The following VAV1 variants were observed in gnomAD, a reference collection of about 807,000 sequenced individuals.
VAV1 encodes proto-oncogene vav.
A neutral mutation model predicts 128.1 loss-of-function variants in VAV1; 33 were observed. That is an observed-to-expected ratio of 0.26 (90% CI 0.20 to 0.34). VAV1 has a LOEUF of 0.34. Among genes scored for constraint, VAV1 ranks in the 10% least tolerant of loss-of-function variants. VAV1 has a pLI of 1.00. For missense variants in VAV1, 715 were observed against 1,093.7 expected, an observed-to-expected ratio of 0.65 and a Z score of 4.88; for synonymous variants, 394 against 409.8, an observed-to-expected ratio of 0.96 and a Z score of 0.47.
chr19:6,800,858 C>T (rs1402612736), intron 1 of VAV1, among the ~76,000 whole-genome samples: 51 of 151,634 alleles, frequency 3.4e-4, no homozygotes, highest in Non-Finnish European at 2.9e-5. Context: ...AACCCCTGAC[C>T]TCAAGTGATC....
intron 1 of VAV1, among the ~76,000 whole-genome samples, chr19:6,794,472 T>C (rs952608169): frequency 6.6e-6 from 1 of 152,040 alleles, no homozygotes; most frequent in African/African-American, 2.4e-5. Flanking sequence ...ATCACTGCGC[T>C]CAGGCCTGGG....
rs1480877945 is a variant in VAV1, at chr19:6,822,792, C to A, written c.654+278C>A. On this transcript the variant is annotated intron_variant, in intron 6 of 26. Coordinates refer to ENST00000602142, the MANE Select transcript of VAV1 (RefSeq NM_005428.4). The surrounding 1 kb of genome is among the most constrained non-coding windows in gnomAD (Gnocchi z 5.9). The stretch of plus-strand genomic sequence containing the variant: ...AAAACAAACAAAATAAATACAAAAT[C>A]AAAAATATATAAATATATTAAACAT... Among the ~76,000 whole-genome samples, 3 of 146,044 alleles carry A rather than the reference C, an allele frequency of 2.1e-5. No homozygotes were observed. Among genetic ancestry groups the A allele is most frequent in the Non-Finnish European group, 3.0e-5 (2 of 66,504 alleles).
chr19:6,848,558 A>T (rs1972584209), intron 23 of VAV1, among the ~76,000 whole-genome samples: 1 of 151,278 alleles, frequency 6.6e-6, no homozygotes, highest in Non-Finnish European at 1.5e-5. Context: ...GCCTGTGACC[A>T]TGCCCAGCTA....
At chr19:6,782,147 T>C (rs1970778389) in intron 1 of VAV1, among the ~76,000 whole-genome samples, 1 of 151,920 alleles carries the variant, frequency 6.6e-6, no homozygotes, top group Admixed American at 6.6e-5. Flanking sequence ...CTGTCCAACA[T>C]GGCGAAAGCC....
At chr19:6,842,545 G>A (rs1317840573) in intron 21 of VAV1, among the ~76,000 whole-genome samples, 2 of 152,184 alleles carry the variant, frequency 1.3e-5, no homozygotes, top group African/African-American at 4.8e-5. Context: ...TTGGCTAGGC[G>A]TGGTGGCTCA....
chr19:6,814,657 TTC>T (rs1568299060), intron 1 of VAV1, among the ~76,000 whole-genome samples: 30 of 67,038 alleles, frequency 4.5e-4, no homozygotes, highest in Non-Finnish European at 7.1e-4. Flanking sequence ...CCTTCCTTCC[TTC>T]CTTCCTTCCT....
intron 1 of VAV1, among the ~76,000 whole-genome samples, chr19:6,795,121 C>T (rs1438417344): frequency 6.6e-6 from 1 of 152,144 alleles, no homozygotes; most frequent in Non-Finnish European, 1.5e-5. Flanking sequence ...TTGGAAATCA[C>T]GCAGTGTCAC....
In VAV1 at chr19:6,820,913, A is replaced by T. The variant is rs552704899; in HGVS notation, c.321+95A>T. ...CTAAGGACTGTCAGGGGACAGGCAG[A>T]CAAGCCAGACCAGGCCATATACAAG... On this transcript the variant is annotated intron_variant, in intron 2 of 26. Coordinates refer to ENST00000602142, the MANE Select transcript of VAV1 (RefSeq NM_005428.4). The surrounding 1 kb of genome is among the most constrained non-coding windows in gnomAD (Gnocchi z 4.4). 6.4e-5 allele frequency: 77 copies of T among 1,202,784 alleles called. No individual in the cohort carries two copies. Among genetic ancestry groups the T allele is most frequent in the Non-Finnish European group, 9.3e-5 (76 of 816,456 alleles). 74.5% of individuals were successfully genotyped at this position (1,202,784 alleles called of 1,614,324 possible). A position where few individuals can be genotyped will look rare whatever the true frequency, so the allele number is the denominator to read the frequency against.
chr19:6,796,746 C>G (rs1308899046), intron 1 of VAV1, among the ~76,000 whole-genome samples: 1 of 152,174 alleles, frequency 6.6e-6, no homozygotes, highest in Non-Finnish European at 1.5e-5. Context: ...ATTCTCCATT[C>G]CTTTTCCTAC....
intron 1 of VAV1, among the ~76,000 whole-genome samples, chr19:6,809,077 CT>C (rs34550612): frequency 0.015 from 2,146 of 145,314 alleles, 10 homozygotes; most frequent in South Asian, 0.039. Context: ...ATCTACCTCT[CT>C]TTTTTTTTTT....
rs1305086672 is a variant in VAV1 at position 6,825,291 on chromosome 19, C to G, written c.724-12C>G. ...GGCTCTGGTCCCAGCCCTCACCCTT[C>G]CCTCCGAGTAGGACCTGCTTCGTGT... is the stretch of plus-strand genomic sequence containing the variant. On this transcript the variant is annotated splice_polypyrimidine_tract_variant and intron_variant, in intron 7 of 26. Transcript: ENST00000602142. 1 of 1,608,290 alleles carries G rather than the reference C, an allele frequency of 6.2e-7. No individual in the cohort carries two copies. The highest frequency in any genetic ancestry group is 8.5e-7 in the Non-Finnish European group (1 of 1,176,484).
chr19:6,850,875 C>T, intron 24 of VAV1, 118 bp downstream of exon 24: 2 of 867,388 alleles, frequency 2.3e-6, no homozygotes, highest in Non-Finnish European at 3.6e-6. Context: ...AGTGGCACTA[C>T]AGTGCAAGTG....
intron 1 of VAV1, among the ~76,000 whole-genome samples, chr19:6,782,832 T>G (rs1277966213): frequency 6.6e-6 from 1 of 150,628 alleles, no homozygotes; most frequent in Non-Finnish European, 1.5e-5. Context: ...CAGTGAGCTA[T>G]AGATCGCGCC....
At position 6,812,830 on chromosome 19, in the gene VAV1, AATG is replaced by A. The variant is rs150696527; in HGVS notation, c.205-7851_205-7849del. Among the ~76,000 whole-genome samples the A allele has an allele frequency of 4.1e-3, 618 of 151,492 alleles. 7 individuals carry two copies. Among genetic ancestry groups the A allele is most frequent in the East Asian group, 0.036 (185 of 5,180 alleles). On this transcript the variant is annotated intron_variant, in intron 1 of 26. Transcript: ENST00000602142. The stretch of plus-strand genomic sequence containing the variant: ...TAACGATGATGGTGATGGTGGTGAT[AATG>A]ATGATGATGATGATGATGATAAGAA...
rs1970808846 is a variant in VAV1, at chr19:6,783,380, C to T, written c.204+10369C>T. ...CCATCATCTCATGGTCTTAGCTTCCCGAAGGCCCTTGGAGTCTTTTCTACT... is the reference window on the plus strand; with the variant it reads ...CCATCATCTCATGGTCTTAGCTTCCTGAAGGCCCTTGGAGTCTTTTCTACT... On this transcript the variant is annotated intron_variant, in intron 1 of 26. Coordinates refer to ENST00000602142, the MANE Select transcript of VAV1 (RefSeq NM_005428.4). Among the ~76,000 whole-genome samples, 7 of 151,926 alleles carry T rather than the reference C, an allele frequency of 4.6e-5. No individual in the cohort carries two copies. In the South Asian group the frequency reaches 1.5e-3, roughly 32 times the overall value.
chr19:6,849,229 G>A (rs1972604145), intron 23 of VAV1, among the ~76,000 whole-genome samples: 2 of 147,594 alleles, frequency 1.4e-5, no homozygotes, highest in South Asian at 4.3e-4. Context: ...TAGTTTTTCA[G>A]CTCTTTCATC....
intron 1 of VAV1, among the ~76,000 whole-genome samples, chr19:6,786,990 C>T (rs954448783): frequency 5.3e-5 from 8 of 151,030 alleles, no homozygotes; most frequent in Admixed American, 2.6e-4. Context: ...AACCAATACA[C>T]GGTCAGGCCC....
At chr19:6,840,990 C>T (rs562219031) in intron 21 of VAV1, among the ~76,000 whole-genome samples, 2 of 152,060 alleles carry the variant, frequency 1.3e-5, no homozygotes, top group African/African-American at 4.8e-5. Flanking sequence ...GTTGGCCAGG[C>T]TGGTCTCGAA....
intron 1 of VAV1, among the ~76,000 whole-genome samples, chr19:6,798,952 C>T (rs1054275253): frequency 2.0e-4 from 30 of 148,174 alleles, no homozygotes; most frequent in African/African-American, 7.4e-4. Context: ...CCTCGTACCT[C>T]CTGATTTGCT....
Sources: allele counts gnomAD v4.1 joint callset (sites outside exome capture counted in the v4.1 genomes callset), GRCh38; gene constraint gnomAD v4.1.1; non-coding constraint Gnocchi (gnomAD v3.1); transcripts MANE v1.5; gene names NCBI Gene and HGNC (gene_info 2026-07-23, HGNC 2026-07-21).